The following CCDC40 variants were observed in gnomAD, a reference collection of about 807,000 sequenced individuals.
The protein encoded by CCDC40 is coiled-coil domain-containing protein 40.
CCDC40 carries 104 observed loss-of-function variants against 124.5 expected under a neutral mutation model. The ratio of observed to expected loss-of-function variants is 0.84; its 90% CI spans 0.71 to 0.98. The LOEUF is 0.98. Ranked by LOEUF, CCDC40 falls within the 50% of genes least tolerant of loss-of-function variation. CCDC40 has a pLI of 0.00. For missense variants in CCDC40, 1,463 were observed against 1,503.9 expected, an observed-to-expected ratio of 0.97 and a Z score of 0.45; for synonymous variants, 580 against 602.9, an observed-to-expected ratio of 0.96 and a Z score of 0.56.
intron 5 of CCDC40, 59 bp from the exon 6 acceptor site, chr17:80,049,847 C>G: frequency 6.7e-7 from 1 of 1,500,540 alleles, no homozygotes; most frequent in Non-Finnish European, 9.3e-7. Flanking sequence ...GGGCTGAGCC[C>G]TGGGTCGGGC....
At chr17:80,039,344 G>A (rs938267579) in intron 2 of CCDC40, among the ~76,000 whole-genome samples, 1 of 151,880 alleles carries the variant, frequency 6.6e-6, no homozygotes, top group Admixed American at 6.6e-5. Flanking sequence ...TCCAGCCTGG[G>A]CAGCAGAGTG....
At chr17:80,095,187 C>G in intron 17 of CCDC40, 76 bp from the exon 18 acceptor site, 1 of 1,416,662 alleles carries the variant, frequency 7.1e-7, no homozygotes, top group Non-Finnish European at 1.0e-6. Flanking sequence ...ATGAGCGAGG[C>G]CAGCGCCCCG....
intron 7 of CCDC40, among the ~76,000 whole-genome samples, chr17:80,053,751 C>A (rs766712011): frequency 3.3e-5 from 5 of 152,158 alleles, no homozygotes; most frequent in Non-Finnish European, 5.9e-5. Flanking sequence ...CGCCACCATG[C>A]CTGGCTAATT....
chr17:80,040,090 T>C lies in CCDC40; in HGVS notation c.372T>C (p.Pro124=), dbSNP rs2037235728. ...YPYFSPPQEL[P]GEEAYDSVSG... ...ATTTCAGTCCTCCTCAGGAACTGCC[T>C]GGAGAGGAGGCATACGATAGTGTTA... Residue 124 remains proline, a synonymous_variant, in exon 3 of 20, where the codon CCT becomes CCC. Coordinates refer to ENST00000397545, the MANE Select transcript of CCDC40 (RefSeq NM_017950.4). 5 of 1,614,064 alleles carry C rather than the reference T, an allele frequency of 3.1e-6. No homozygotes were observed. The highest frequency in any genetic ancestry group is 4.2e-6 in the Non-Finnish European group (5 of 1,180,026).
At position 80,099,632 on chromosome 17, in the gene CCDC40, G is replaced by A. The variant is rs755076013; in HGVS notation, c.3286G>A (p.Glu1096Lys). The change falls in exon 20 of 20, where the codon GAG becomes AAG. Residue 1096 changes from glutamate to lysine, a missense_variant. Glu to Lys is a moderately conservative substitution (Grantham distance 56, BLOSUM62 1). Transcript: ENST00000397545. ...CCGCTCCAAGCAGTCCCTAGTGCTG[G>A]AGCGCCAGCGCCTGGACAAGCGACT... ...LFRSKQSLVLERQRLDKRLAL... is the reference protein window; with the variant it reads ...LFRSKQSLVLKRQRLDKRLAL... The A allele has an allele frequency of 5.6e-6, 9 of 1,613,644 alleles. No homozygotes were observed. In the South Asian group the frequency reaches 9.9e-5, roughly 18 times the overall value.
chr17:80,051,278 T>C, intron 7 of CCDC40: 1 of 973,672 alleles, frequency 1.0e-6, no homozygotes, highest in Non-Finnish European at 1.2e-6. Flanking sequence ...TTTTAAACCC[T>C]GAGAAAAGTG....
intron 10 of CCDC40, among the ~76,000 whole-genome samples, chr17:80,072,577 A>T (rs2143707793): frequency 6.6e-6 from 1 of 152,336 alleles, no homozygotes; most frequent in Admixed American, 6.5e-5. Context: ...GGGATAATTT[A>T]TGTACAAAAT....
intron 19 of CCDC40, among the ~76,000 whole-genome samples, chr17:80,098,386 A>G (rs2038849230): frequency 6.6e-6 from 1 of 152,224 alleles, no homozygotes; most frequent in Non-Finnish European, 1.5e-5. Flanking sequence ...GCGCTCTAAG[A>G]TTGCATGTGG....
In CCDC40 at chr17:80,084,913, G is replaced by C; in HGVS notation, c.2160G>C (p.Thr720=). Residue 720 remains threonine, a synonymous_variant, in exon 13 of 20, where the codon ACG becomes ACC. Transcript: ENST00000397545. ...GCCAGAGCGAGATCTCCCGGCGCAC[G>C]ATCCTGATCGAGAGGAAGCAAGGGC... ...TNSQSEISRR[T]ILIERKQGLI... 1 of 1,614,072 alleles carries C rather than the reference G, an allele frequency of 6.2e-7. No homozygotes were observed. Among genetic ancestry groups the C allele is most frequent in the Non-Finnish European group, 8.5e-7 (1 of 1,180,026 alleles).
intron 7 of CCDC40, among the ~76,000 whole-genome samples, chr17:80,056,327 A>G (rs1322847439): frequency 2.0e-5 from 3 of 151,962 alleles, no homozygotes; most frequent in Non-Finnish European, 4.4e-5. Flanking sequence ...CTCAAAACAA[A>G]AAGCACCTCG....
intron 17 of CCDC40, chr17:80,090,327 G>T (rs1371593167): frequency 1.6e-5 from 11 of 682,458 alleles, no homozygotes; most frequent in Non-Finnish European, 2.4e-5. Context: ...CGGGACGCGC[G>T]CAGGCACGTG....
intron 2 of CCDC40, among the ~76,000 whole-genome samples, chr17:80,038,984 AG>A (rs1221507127): frequency 6.6e-6 from 1 of 152,252 alleles, no homozygotes; most frequent in East Asian, 1.9e-4. Flanking sequence ...GTCAGTGATT[AG>A]TCAGGGATGC....
rs1407233462 is a variant in CCDC40 at position 80,100,308 on chromosome 17, C to T, written c.*533C>T. ...GAACTCTCAGGTCCCTTTTCCTGCC[C>T]CCATGTCCCCATTTGAGTTAAATTC... On this transcript the variant is annotated 3_prime_UTR_variant, in exon 20 of 20. Coordinates refer to ENST00000397545, the MANE Select transcript of CCDC40 (RefSeq NM_017950.4). 1.1e-5 allele frequency: 2 copies of T among 174,748 alleles called. No homozygotes were observed. Among genetic ancestry groups the T allele is most frequent in the Non-Finnish European group, 2.5e-5 (2 of 80,392 alleles). The allele number at this position is 174,748 out of a possible 1,614,324, so 10.8% of individuals were successfully genotyped here. A position where few individuals can be genotyped will look rare whatever the true frequency, so the allele number is the denominator to read the frequency against.
At chr17:80,097,883 G>C in intron 19 of CCDC40, 1 of 181,006 alleles carries the variant, frequency 5.5e-6, no homozygotes, top group South Asian at 1.1e-4. Flanking sequence ...CTGGGTGACA[G>C]AGGGAGATCC....
intron 17 of CCDC40, 91 bp from the exon 18 acceptor site, chr17:80,095,172 G>A (rs1055987450): frequency 7.4e-6 from 9 of 1,217,066 alleles, no homozygotes; most frequent in African/African-American, 4.5e-5. Context: ...GCGTGTCACC[G>A]GAGGATGAGC....
chr17:80,054,751 AT>A (rs2037694315), intron 7 of CCDC40, among the ~76,000 whole-genome samples: 1 of 152,208 alleles, frequency 6.6e-6, no homozygotes, highest in Non-Finnish European at 1.5e-5. Context: ...AGGCGGGCAG[AT>A]TACCTGAGGT....
At chr17:80,057,732 C>T (rs896522069) in intron 7 of CCDC40, among the ~76,000 whole-genome samples, 6 of 151,908 alleles carry the variant, frequency 3.9e-5, no homozygotes, top group Admixed American at 1.3e-4. Flanking sequence ...AAAAATTAGC[C>T]GGGCGTGGTG....
chr17:80,051,577 C>T (rs558613181), intron 7 of CCDC40, among the ~76,000 whole-genome samples: 3 of 130,542 alleles, frequency 2.3e-5, no homozygotes, highest in East Asian at 4.5e-4. Context: ...TGCAGTGAGC[C>T]GAGATCCCGC....
rs1272644908 is a variant in CCDC40, at chr17:80,064,760, T to G, written c.1441-725T>G. On this transcript the variant is annotated intron_variant, in intron 9 of 19. Coordinates refer to ENST00000397545, the MANE Select transcript of CCDC40 (RefSeq NM_017950.4). Reference sequence around the variant, plus strand: ...ATGCCCCTAGACTTCCAGCCTCCGCTCAGCCTGCCTGACCTGCCCACCCCT... The same window carrying G: ...ATGCCCCTAGACTTCCAGCCTCCGCGCAGCCTGCCTGACCTGCCCACCCCT... Among the ~76,000 whole-genome samples, 3 of 134,888 alleles carry G rather than the reference T, an allele frequency of 2.2e-5. No individual in the cohort carries two copies. In the Admixed American group the frequency reaches 2.5e-4, roughly 11 times the overall value. The allele number at this position is 134,888 out of a possible 152,430, so 88.5% of individuals were successfully genotyped here. A position where few individuals can be genotyped will look rare whatever the true frequency, so the allele number is the denominator to read the frequency against.
Sources: allele counts gnomAD v4.1 joint callset (sites outside exome capture counted in the v4.1 genomes callset), GRCh38; gene constraint gnomAD v4.1.1; transcripts MANE v1.5; gene names NCBI Gene and HGNC (gene_info 2026-07-23, HGNC 2026-07-21).